LRBA: variants seen among roughly 807,000 people sequenced by gnomAD.
The protein encoded by LRBA is LPS responsive beige-like anchor protein, also known as lipopolysaccharide-responsive and beige-like anchor protein.
A neutral mutation model predicts 330.0 loss-of-function variants in LRBA; 176 were observed. The observed-to-expected ratio is 0.53, with a 90% CI of 0.47 to 0.60. LRBA has a LOEUF of 0.60. Ranked by LOEUF, LRBA falls within the 20% of genes least tolerant of loss-of-function variation. The pLI, the probability that LRBA is intolerant of heterozygous loss-of-function variation, is 0.00. For missense variants in LRBA, 3,259 were observed against 3,444.8 expected (o/e 0.95, Z 1.35); for synonymous variants, 1,230 against 1,193.0 (o/e 1.03, Z -0.64).
chr4:150,501,529 T>G (rs901122420), intron 40 of LRBA, among the ~76,000 whole-genome samples: 2 of 151,984 alleles, frequency 1.3e-5, no homozygotes, highest in African/African-American at 4.8e-5. Context: ...GGAGAATCAC[T>G]TGGGCCTGGG....
intron 47 of LRBA, among the ~76,000 whole-genome samples, chr4:150,412,796 T>C (rs1466739359): frequency 1.3e-5 from 2 of 151,760 alleles, no homozygotes; most frequent in East Asian, 1.9e-4. Context: ...AACATGATTT[T>C]TTCTTAAAAG....
chr4:150,676,640 A>AT lies in LRBA; in HGVS notation c.5921+6910dup, dbSNP rs572828958. On this transcript the variant is annotated intron_variant, in intron 37 of 56. Transcript: ENST00000651943. ...GTTCTCAAGTGATTCTCATATTGGGATTTTTTTTTTAAGACTGTTTGGTTT... is the reference window on the plus strand; with the variant it reads ...GTTCTCAAGTGATTCTCATATTGGGATTTTTTTTTTTAAGACTGTTTGGTTT... 1.1e-4 allele frequency among the ~76,000 whole-genome samples: 17 copies of AT among 150,264 alleles called. 1 individual carries two copies. Among genetic ancestry groups the AT allele is most frequent in the Admixed American group, 2.7e-4 (4 of 15,062 alleles).
chr4:150,975,111 T>G (rs1452169659), intron 2 of LRBA, among the ~76,000 whole-genome samples: 1 of 152,130 alleles, frequency 6.6e-6, no homozygotes, highest in Non-Finnish European at 1.5e-5. Flanking sequence ...CAAAAAACTA[T>G]GAATTTCAAG....
At chr4:150,489,120 AAT>A (rs2152096885) in intron 41 of LRBA, among the ~76,000 whole-genome samples, 1 of 65,384 alleles carries the variant, frequency 1.5e-5, no homozygotes, top group African/African-American at 6.3e-5. Context: ...TATCATATAT[AAT>A]ATATAAGAAT....
chr4:150,809,856 ATACGATACG>A (rs1743373031), intron 31 of LRBA, among the ~76,000 whole-genome samples: 1 of 4,560 alleles, frequency 2.2e-4, no homozygotes, highest in Non-Finnish European at 4.6e-4. Context: ...TTAAAATACG[ATACGATACG>A]ATACGATACG....
intron 2 of LRBA, among the ~76,000 whole-genome samples, chr4:151,010,545 T>C (rs1161767674): frequency 1.3e-5 from 2 of 151,834 alleles, no homozygotes; most frequent in East Asian, 1.9e-4. Context: ...TATAACAGAC[T>C]AAGGTCAAGC....
At chr4:150,424,928 G>A (rs559794618) in intron 46 of LRBA, among the ~76,000 whole-genome samples, 1 of 152,296 alleles carries the variant, frequency 6.6e-6, no homozygotes, top group African/African-American at 2.4e-5. Flanking sequence ...GGTGATGAGA[G>A]TGCAATACTC....
intron 49 of LRBA, among the ~76,000 whole-genome samples, chr4:150,322,743 C>A (rs1732690416): frequency 1.3e-5 from 2 of 152,148 alleles, no homozygotes; most frequent in South Asian, 2.1e-4. Context: ...AAAAGCCAAT[C>A]AATATTATGA....
chr4:150,532,444 T>C (rs1173706916), intron 40 of LRBA, among the ~76,000 whole-genome samples: 2 of 152,134 alleles, frequency 1.3e-5, no homozygotes, highest in Non-Finnish European at 2.9e-5. Flanking sequence ...TACTAAAACA[T>C]TAACTCATTT....
At chr4:150,513,910 G>A (rs1762079669) in intron 40 of LRBA, among the ~76,000 whole-genome samples, 1 of 152,060 alleles carries the variant, frequency 6.6e-6, no homozygotes, top group South Asian at 2.1e-4. Context: ...ATGAAACTTG[G>A]GGATGCGAGG....
Position 150,817,112 on chromosome 4 carries a change from TA to T in LRBA, c.5305+11del. The T allele has an allele frequency of 6.2e-7, 1 of 1,608,448 alleles. No homozygotes were observed. The highest frequency in any genetic ancestry group is 8.5e-7 in the Non-Finnish European group (1 of 1,177,272). ...AAAACATTTTTGTTGAAATCACTGA[TA>T]ACTAACTCACCTGGTGATTCTCCTC... On this transcript the variant is annotated intron_variant, in intron 31 of 56. Transcript: ENST00000651943.
intron 33 of LRBA, among the ~76,000 whole-genome samples, chr4:150,798,541 A>G (rs906471909): frequency 6.6e-5 from 10 of 152,094 alleles, no homozygotes; most frequent in African/African-American, 2.4e-4. Flanking sequence ...TCTCCCTTCA[A>G]CCCTCTAGCT....
At chr4:150,479,753 T>A (rs1404681027) in intron 42 of LRBA, among the ~76,000 whole-genome samples, 1 of 152,178 alleles carries the variant, frequency 6.6e-6, no homozygotes, top group East Asian at 1.9e-4. Flanking sequence ...TGCTTCATTC[T>A]CTCTTGGATC....
intron 46 of LRBA, chr4:150,422,593 A>G (rs1209760029): frequency 1.8e-6 from 1 of 553,216 alleles, no homozygotes; most frequent in Admixed American, 3.0e-5. Flanking sequence ...CTGGACACTT[A>G]GACATCAGGT....
intron 17 of LRBA, among the ~76,000 whole-genome samples, chr4:150,887,313 C>T (rs1314740): frequency 0.99 from 151,272 of 152,254 alleles, 75,154 homozygotes; most frequent in Middle Eastern, 1. Context: ...AGTTTCTATG[C>T]ACAAACTACA....
rs1277439838 is a variant in LRBA at position 150,471,651 on chromosome 4, A to C, written c.6640T>G (p.Tyr2214Asp). Residue 2214 changes from tyrosine (Y) to aspartate (D), a missense_variant, in exon 43 of 57, where the codon TAC becomes GAC. Transcript: ENST00000651943. ...GCTATCGTGTTGAGAAACATCAAGT[A>C]CTCAAAATTAGATATCTCTCTGTGT... ...WQHREISNFE[Y>D]LMFLNTIAGR... 1 of 1,603,962 alleles carries C rather than the reference A, an allele frequency of 6.2e-7. No homozygotes were observed. The highest frequency in any genetic ancestry group is 8.5e-7 in the Non-Finnish European group (1 of 1,175,772).
At chr4:150,821,850 C>A (rs1393284677) in intron 30 of LRBA, among the ~76,000 whole-genome samples, 1 of 152,126 alleles carries the variant, frequency 6.6e-6, no homozygotes, top group African/African-American at 2.4e-5. Flanking sequence ...AACACCTTTG[C>A]ATTCACAAAG....
At chr4:150,559,713 T>C (rs1160977317) in intron 40 of LRBA, among the ~76,000 whole-genome samples, 5 of 89,616 alleles carry the variant, frequency 5.6e-5, no homozygotes, top group Middle Eastern at 4.9e-3. Flanking sequence ...TTATATAATA[T>C]TATAGATTAT....
intron 44 of LRBA, among the ~76,000 whole-genome samples, chr4:150,447,883 C>T (rs958045553): frequency 2.0e-5 from 3 of 152,154 alleles, no homozygotes; most frequent in African/African-American, 4.8e-5. Flanking sequence ...AAATGAGGCA[C>T]CTTTTTTAAA....
Sources: gnomAD v4.1 joint callset for allele counts (sites outside exome capture counted in the v4.1 genomes callset) on GRCh38, gnomAD v4.1.1 for gene constraint, MANE v1.5 for transcripts, NCBI Gene and HGNC (gene_info 2026-07-23, HGNC 2026-07-21) for gene names.